CPLANE1: variants seen among roughly 807,000 people sequenced by gnomAD.
CPLANE1 encodes the protein ciliogenesis and planar polarity effector complex subunit 1.
A neutral mutation model predicts 362.5 loss-of-function variants in CPLANE1; 263 were observed. The observed-to-expected ratio is 0.73, with a 90% CI of 0.66 to 0.80. The LOEUF (loss-of-function observed/expected upper bound fraction) is 0.80. CPLANE1 is among the 30% of genes least tolerant of loss of function. The pLI, the probability that CPLANE1 is intolerant of heterozygous loss-of-function variation, is 0.00. For missense variants in CPLANE1, 3,461 were observed against 3,793.4 expected, an observed-to-expected ratio of 0.91 and a Z score of 2.30; for synonymous variants, 1,212 against 1,302.6, an observed-to-expected ratio of 0.93 and a Z score of 1.50.
the CPLANE1 span, among the ~76,000 whole-genome samples, chr5:37,078,104 T>C: frequency 2.6e-5 from 4 of 152,310 alleles, no homozygotes; most frequent in South Asian, 6.2e-4. Context: ...GTTTGTTACA[T>C]AGGTAAATGT....
intron 8 of CPLANE1, among the ~76,000 whole-genome samples, chr5:37,233,275 G>A (rs2150560825): frequency 6.6e-6 from 1 of 152,252 alleles, no homozygotes; most frequent in East Asian, 1.9e-4. Flanking sequence ...GCACTCTCAG[G>A]CACTCCTGGG....
At position 37,206,424 on chromosome 5, in the gene CPLANE1, C is replaced by T. The variant is rs1328730236; in HGVS notation, c.2922G>A (p.Glu974=). ...NVLPPLHIKT[E]QSFRLIPLQH... ...GCAGAGGAATAAGTCGAAAGGACTG[C>T]TCTGTGAGTAAATTTTTAAAAATGG... The change falls in exon 17 of 53, where the codon GAG becomes GAA. Residue 974 remains glutamate (E), a splice_region_variant and synonymous_variant. Transcript: ENST00000651892. 1.9e-6 allele frequency: 3 copies of T among 1,541,750 alleles called. No individual in the cohort carries two copies. Among genetic ancestry groups the T allele is most frequent in the East Asian group, 4.9e-5 (2 of 40,848 alleles).
chr5:37,079,129 G>A, the CPLANE1 span, among the ~76,000 whole-genome samples: 1 of 152,086 alleles, frequency 6.6e-6, no homozygotes, highest in Non-Finnish European at 1.5e-5. Context: ...CTTTGCCTGT[G>A]CCTATGTCCC....
At chr5:37,240,949 A>G (rs1001435961) in intron 6 of CPLANE1, among the ~76,000 whole-genome samples, 9 of 152,164 alleles carry the variant, frequency 5.9e-5, no homozygotes, top group African/African-American at 2.2e-4. Flanking sequence ...CAGCCTGGCC[A>G]ATATGGTGAA....
intron 16 of CPLANE1, among the ~76,000 whole-genome samples, chr5:37,208,944 AAAAAG>A (rs1298017265): frequency 1.5e-4 from 18 of 122,752 alleles, no homozygotes; most frequent in South Asian, 2.6e-4. Context: ...GATGAAAAAA[AAAAAG>A]AAAAGAAAAA....
chr5:37,159,676 C>A (rs1222886762), intron 38 of CPLANE1, among the ~76,000 whole-genome samples: 1 of 152,034 alleles, frequency 6.6e-6, no homozygotes, highest in African/African-American at 2.4e-5. Flanking sequence ...ATATTGAGTA[C>A]TTGTTACCAA....
chr5:37,238,998 T>A, intron 7 of CPLANE1, 38 bp from the exon 8 acceptor site: 1 of 994,634 alleles, frequency 1.0e-6, no homozygotes, highest in Non-Finnish European at 1.5e-6. Flanking sequence ...CTATTAAAAT[T>A]ATTTTACTGT....
intron 49 of CPLANE1, 87 bp downstream of exon 49, chr5:37,121,530 C>T: frequency 8.3e-7 from 1 of 1,204,736 alleles, no homozygotes; most frequent in Non-Finnish European, 1.2e-6. Flanking sequence ...AATGCAAATG[C>T]ACTGAACTTA....
At position 37,184,889 on chromosome 5, in the gene CPLANE1, A is replaced by G; in HGVS notation, c.4380T>C (p.Ser1460=). Residue 1460 remains serine, a synonymous_variant, in exon 25 of 53, where the codon AGT becomes AGC. Coordinates refer to ENST00000651892, the MANE Select transcript of CPLANE1 (RefSeq NM_001384732.1). ...CAGAATCTCCTAGTTCTGTGAGTGT[A>G]CTTCTGCTCAAACTAGTCCCCAGGG... The part of the protein sequence containing the change: ...RYSLGTSLSR[S]TLTELGDSVV... 6.2e-7 allele frequency: 1 copy of G among 1,614,094 alleles called. No homozygotes were observed. The highest frequency in any genetic ancestry group is 8.5e-7 in the Non-Finnish European group (1 of 1,179,982).
the CPLANE1 span, among the ~76,000 whole-genome samples, chr5:37,099,900 T>G: frequency 6.6e-6 from 1 of 152,242 alleles, no homozygotes; most frequent in Non-Finnish European, 1.5e-5. Context: ...TTTGCTTGGC[T>G]GCATGTGTGT....
At chr5:37,125,971 C>T (rs1390757480) in intron 46 of CPLANE1, among the ~76,000 whole-genome samples, 1 of 152,154 alleles carries the variant, frequency 6.6e-6, no homozygotes, top group African/African-American at 2.4e-5. Flanking sequence ...GGCTCAGTGG[C>T]TCACACCTGT....
At chr5:37,113,681 G>C (rs1760031406) in intron 51 of CPLANE1, among the ~76,000 whole-genome samples, 1 of 152,224 alleles carries the variant, frequency 6.6e-6, no homozygotes, top group Admixed American at 6.5e-5. Context: ...GGTAAAAAGA[G>C]ATGGGGTAAA....
intron 41 of CPLANE1, among the ~76,000 whole-genome samples, chr5:37,154,355 A>G (rs574380788): frequency 6.6e-6 from 1 of 152,050 alleles, no homozygotes; most frequent in African/African-American, 2.4e-5. Context: ...CTGACTTTAT[A>G]TGAGATCTCA....
rs191943524 is a variant in CPLANE1, at chr5:37,232,664, C to A, written c.939-1615G>T. ...CCAGCCAGGGCAACATAGCAAGACC[C>A]TGGCTCTACCAAAAAAAAACAAAAA... On this transcript the variant is annotated intron_variant, in intron 8 of 52. Coordinates refer to ENST00000651892, the MANE Select transcript of CPLANE1 (RefSeq NM_001384732.1). Among the ~76,000 whole-genome samples, 972 of 150,928 alleles carry A rather than the reference C, an allele frequency of 6.4e-3. 8 individuals carry two copies. The highest frequency in any genetic ancestry group is 0.022 in the African/African-American group (913 of 40,998).
intron 46 of CPLANE1, among the ~76,000 whole-genome samples, chr5:37,135,437 A>C (rs1767373807): frequency 6.6e-6 from 1 of 152,190 alleles, no homozygotes; most frequent in Admixed American, 6.5e-5. Flanking sequence ...GGAGGCCTCA[A>C]GAAACTTATA....
chr5:37,144,457 AGAG>A (rs1770877288), intron 43 of CPLANE1, among the ~76,000 whole-genome samples: 1 of 151,884 alleles, frequency 6.6e-6, no homozygotes, highest in African/African-American at 2.4e-5. Context: ...CAACAATAGC[AGAG>A]AAGAGAAAAT....
At chr5:37,095,781 A>T in the CPLANE1 span, among the ~76,000 whole-genome samples, 2 of 152,224 alleles carry the variant, frequency 1.3e-5, no homozygotes, top group Non-Finnish European at 2.9e-5. Context: ...GCTATACACC[A>T]ACAGCAACCA....
Position 37,187,794 on chromosome 5 carries a change from T to G in CPLANE1, c.3860A>C (p.Asp1287Ala). ...CALCWMLHVR[D>A]KLSYSCRQYQ... is the part of the protein sequence containing the mutation. ...TTGCCTGCAACTATAGGATAACTTA[T>G]CACGGACATGCAGCATCCAACACAG... is the stretch of plus-strand genomic sequence containing the variant. The change falls in exon 22 of 53, where the codon GAT becomes GCT. Residue 1287 changes from aspartate (D) to alanine (A), a missense_variant. Transcript: ENST00000651892. 1 of 1,613,960 alleles carries G rather than the reference T, an allele frequency of 6.2e-7. No homozygotes were observed. The highest frequency in any genetic ancestry group is 1.3e-5 in the African/African-American group (1 of 75,032).
chr5:37,090,136 T>G, the CPLANE1 span, among the ~76,000 whole-genome samples: 1 of 152,174 alleles, frequency 6.6e-6, no homozygotes, highest in South Asian at 2.1e-4. Flanking sequence ...GCAACCGGTA[T>G]TCTCCCAGAT....
Sources: gnomAD v4.1 joint callset for allele counts (sites outside exome capture counted in the v4.1 genomes callset) on GRCh38, gnomAD v4.1.1 for gene constraint, MANE v1.5 for transcripts, NCBI Gene and HGNC (gene_info 2026-07-23, HGNC 2026-07-21) for gene names.